Variants in ZFHX4 observed in about 807,000 individuals in gnomAD.
ZFHX4 encodes the protein zinc finger homeobox protein 4.
Under a neutral mutation model 267.6 loss-of-function variants are expected in ZFHX4, and 56 were observed. The observed-to-expected ratio is 0.21, with a 90% CI of 0.17 to 0.26. The LOEUF is 0.26. Ranked by LOEUF, ZFHX4 falls within the 10% of genes least tolerant of loss-of-function variation. The pLI, the probability that ZFHX4 is intolerant of heterozygous loss-of-function variation, is 1.00. For synonymous variants in ZFHX4, 1,778 were observed against 1,665.6 expected (o/e 1.07, Z -1.64); for missense variants, 4,332 against 4,420.0 (o/e 0.98, Z 0.56).
intron 3 of ZFHX4, among the ~76,000 whole-genome samples, chr8:76,776,353 A>G (rs564946021): frequency 2.7e-4 from 41 of 152,132 alleles, no homozygotes; most frequent in African/African-American, 9.9e-4. Flanking sequence ...TACCACCCCC[A>G]CCATCCCACA....
chr8:76,697,072 A>C (rs2131592723), intron 1 of ZFHX4, among the ~76,000 whole-genome samples: 1 of 152,146 alleles, frequency 6.6e-6, no homozygotes, highest in Non-Finnish European at 1.5e-5. Flanking sequence ...TGATTTTTTA[A>C]AAATATGTAC....
chr8:76,682,297 C>T (rs1339586739), intron 1 of ZFHX4, among the ~76,000 whole-genome samples: 1 of 152,248 alleles, frequency 6.6e-6, no homozygotes, highest in African/African-American at 2.4e-5. Flanking sequence ...ACCCGCCCCT[C>T]TTCCCCTTCT....
chr8:76,803,806 T>G (rs892283648), intron 4 of ZFHX4, among the ~76,000 whole-genome samples: 1 of 152,164 alleles, frequency 6.6e-6, no homozygotes, highest in Non-Finnish European at 1.5e-5. Flanking sequence ...TAGTTTTAAA[T>G]TAAAACCCAT....
rs190271169 is a variant in ZFHX4, at chr8:76,702,751, C to T, written c.-46-1292C>T. ...AGGTGCTGGCCTTGAAGTTATGAGACTCTTCAAATTTAAGATTTGAAATAA... is the reference window on the plus strand; with the variant it reads ...AGGTGCTGGCCTTGAAGTTATGAGATTCTTCAAATTTAAGATTTGAAATAA... On this transcript the variant is annotated intron_variant, in intron 1 of 10. Transcript: ENST00000651372. Among the ~76,000 whole-genome samples, 73 of 152,290 alleles carry T rather than the reference C, an allele frequency of 4.8e-4. No individual in the cohort carries two copies. The Middle Eastern group carries it at 0.024, about 50-fold the overall frequency.
In ZFHX4 at chr8:76,853,149, G is replaced by A. The variant is rs374769887; in HGVS notation, c.6228G>A (p.Pro2076=). The change falls in exon 10 of 11, where the codon CCG becomes CCA. Residue 2076 remains proline, a synonymous_variant. Transcript: ENST00000651372. The part of the protein sequence containing the change: ...QVQLPVSLDL[P]LFPSIMMQPV... ...AACTGCCGGTTTCTCTGGACCTGCC[G>A]CTCTTTCCTTCCATTATGATGCAAC... 4.0e-6 allele frequency: 6 copies of A among 1,509,106 alleles called. No homozygotes were observed. The highest frequency in any genetic ancestry group is 2.8e-5 in the African/African-American group (2 of 70,214). The allele number at this position is 1,509,106 out of a possible 1,614,324, so 93.5% of individuals were successfully genotyped here. A position where few individuals can be genotyped will look rare whatever the true frequency, so the allele number is the denominator to read the frequency against.
intron 3 of ZFHX4, among the ~76,000 whole-genome samples, chr8:76,744,705 A>T (rs1585902814): frequency 6.6e-6 from 1 of 152,112 alleles, no homozygotes. Context: ...GAGCCATCGC[A>T]CCCAGCCAAT....
chr8:76,734,466 C>T (rs1304000370), intron 3 of ZFHX4, among the ~76,000 whole-genome samples: 1 of 152,046 alleles, frequency 6.6e-6, no homozygotes, highest in Non-Finnish European at 1.5e-5. Context: ...TTTTCTTTAG[C>T]GTAATTTGCA....
chr8:76,833,692 G>C (rs1811998825), intron 5 of ZFHX4: 1 of 337,248 alleles, frequency 3.0e-6, no homozygotes, highest in South Asian at 2.9e-5. Flanking sequence ...CTCCCCACCA[G>C]AGTGGTACAC....
chr8:76,683,133 C>A (rs1271671277), intron 1 of ZFHX4: 1 of 152,140 alleles, frequency 6.6e-6, no homozygotes, highest in African/African-American at 2.4e-5. Context: ...GCGCCTTTGG[C>A]CGCGACTTCT....
intron 5 of ZFHX4, among the ~76,000 whole-genome samples, chr8:76,838,777 C>T (rs1365342066): frequency 6.6e-6 from 1 of 151,954 alleles, no homozygotes. Flanking sequence ...AAATAAGGGC[C>T]AGGCACGGTG....
Position 76,865,739 on chromosome 8 carries a change from A to G in ZFHX4, c.*1174A>G, listed in dbSNP as rs1228507364. On this transcript the variant is annotated 3_prime_UTR_variant, in exon 11 of 11. Transcript: ENST00000651372. ...AGGGGACTAAAAATTTGTTTTGTAT[A>G]AAGAGGTTAGCCCTGCGCACGTAGG... is the stretch of plus-strand genomic sequence containing the variant. The G allele has an allele frequency of 6.6e-6, 1 of 152,602 alleles. No individual in the cohort carries two copies. Among genetic ancestry groups the G allele is most frequent in the African/African-American group, 2.4e-5 (1 of 41,442 alleles). The allele number at this position is 152,602 out of a possible 1,614,324, so 9.5% of individuals were successfully genotyped here. A position where few individuals can be genotyped will look rare whatever the true frequency, so the allele number is the denominator to read the frequency against.
chr8:76,740,277 A>G (rs991612519), intron 3 of ZFHX4, among the ~76,000 whole-genome samples: 12 of 151,872 alleles, frequency 7.9e-5, no homozygotes, highest in Non-Finnish European at 1.8e-4. Flanking sequence ...ACAAAAAGGA[A>G]GGAAGGAAGA....
rs751316165 is a variant in ZFHX4, at chr8:76,707,883, C to T, written c.2928C>T (p.His976=). ...TGCAGAAATATCAACTGGTGGCTCA[C>T]ATTAAAGAAGGGGGCAAAAGCAATG... ...KHMQKYQLVA[H]IKEGGKSNEW... Residue 976 remains histidine (H), a synonymous_variant, in exon 3 of 11, where the codon CAC becomes CAT. Coordinates refer to ENST00000651372, the MANE Select transcript of ZFHX4 (RefSeq NM_024721.5). 3.1e-6 allele frequency: 5 copies of T among 1,614,048 alleles called. No homozygotes were observed. Among genetic ancestry groups the T allele is most frequent in the Non-Finnish European group, 4.2e-6 (5 of 1,179,944 alleles).
At chr8:76,798,109 T>C (rs1811029013) in intron 4 of ZFHX4, among the ~76,000 whole-genome samples, 1 of 152,148 alleles carries the variant, frequency 6.6e-6, no homozygotes, top group Admixed American at 6.5e-5. Flanking sequence ...GAAGATTACA[T>C]TAGGAATTCA....
At chr8:76,726,329 A>G (rs1282611204) in intron 3 of ZFHX4, among the ~76,000 whole-genome samples, 2 of 152,148 alleles carry the variant, frequency 1.3e-5, no homozygotes, top group Non-Finnish European at 2.9e-5. Flanking sequence ...CTGTCCTTAA[A>G]TGAAAAGTTG....
intron 3 of ZFHX4, among the ~76,000 whole-genome samples, chr8:76,726,380 C>T (rs1808853558): frequency 6.6e-6 from 1 of 151,814 alleles, no homozygotes; most frequent in African/African-American, 2.4e-5. Flanking sequence ...ATATTGATAC[C>T]CTTTTGTCAG....
chr8:76,763,752 A>T (rs1809979400), intron 3 of ZFHX4, among the ~76,000 whole-genome samples: 2 of 152,320 alleles, frequency 1.3e-5, no homozygotes, highest in Non-Finnish European at 2.9e-5. Context: ...AAAAAGAAAA[A>T]ATGTGCTATA....
chr8:76,812,342 G>A (rs148242777), intron 4 of ZFHX4, among the ~76,000 whole-genome samples: 32 of 152,294 alleles, frequency 2.1e-4, no homozygotes, highest in African/African-American at 7.0e-4. Flanking sequence ...ATTTTAGCTT[G>A]TGATACCTGG....
rs781479742 is a variant in ZFHX4 at position 76,854,556 on chromosome 8, G to C, written c.7635G>C (p.Pro2545=). The C allele has an allele frequency of 4.3e-6, 7 of 1,613,676 alleles. No homozygotes were observed. In the South Asian group the frequency reaches 7.7e-5, roughly 18 times the overall value. Residue 2545 remains proline, a synonymous_variant, in exon 10 of 11, where the codon CCG becomes CCC. Transcript: ENST00000651372. ...MPYMIFDPNN[P]LMTGQLLGSS... ...ACATGATATTTGACCCCAACAATCC[G>C]CTGATGACTGGACAACTGCTGGGCA...
Sources: gnomAD v4.1 joint callset for allele counts (sites outside exome capture counted in the v4.1 genomes callset) on GRCh38, gnomAD v4.1.1 for gene constraint, MANE v1.5 for transcripts, NCBI Gene and HGNC (gene_info 2026-07-23, HGNC 2026-07-21) for gene names.